NTN1: variants seen among roughly 807,000 people sequenced by gnomAD.
The protein encoded by NTN1 is netrin-1.
Under a neutral mutation model 54.2 loss-of-function variants are expected in NTN1, and 11 were observed. That is an observed-to-expected ratio of 0.20 (90% confidence interval 0.13 to 0.34). The LOEUF is 0.34. NTN1 is among the 10% of genes least tolerant of loss of function. The probability of loss-of-function intolerance (pLI) is 1.00; values close to 1 mark genes in which losing one functional copy is unlikely to be tolerated. For synonymous variants in NTN1, 371 were observed against 382.0 expected (o/e 0.97, Z 0.33); for missense variants, 740 against 893.1 (o/e 0.83, Z 2.18).
chr17:9,111,557 G>A (rs74525978), intron 2 of NTN1, among the ~76,000 whole-genome samples: 3,465 of 152,092 alleles, frequency 0.023, 136 homozygotes, highest in African/African-American at 0.08. Context: ...ACAACTTAGG[G>A]GGTTTAGAGG....
At chr17:9,225,935 C>T (rs577576085) in intron 6 of NTN1, among the ~76,000 whole-genome samples, 9 of 152,356 alleles carry the variant, frequency 5.9e-5, no homozygotes, top group African/African-American at 2.2e-4. Context: ...TCCTCCAGGC[C>T]TCGCAGACCT....
chr17:9,185,020 C>T (rs1158431698), intron 5 of NTN1, among the ~76,000 whole-genome samples: 6 of 152,282 alleles, frequency 3.9e-5, no homozygotes, highest in East Asian at 1.9e-4. Flanking sequence ...TGGTTTAAAC[C>T]GAAGCGAGCA....
rs957309621 is a variant in NTN1, at chr17:9,240,065, G to T, written c.*97G>T. Reference sequence around the variant, plus strand: ...GCCGCCGCGGACTTGGCCCGCGAGGGCTTTCCCAGGTGGGGGGAGGGAGGG... The same window carrying T: ...GCCGCCGCGGACTTGGCCCGCGAGGTCTTTCCCAGGTGGGGGGAGGGAGGG... On this transcript the variant is annotated 3_prime_UTR_variant, in exon 7 of 7. Transcript: ENST00000173229. 3 of 361,092 alleles carry T rather than the reference G, an allele frequency of 8.3e-6. No homozygotes were observed. The highest frequency in any genetic ancestry group is 1.1e-5 in the Non-Finnish European group (3 of 264,808). The allele number at this position is 361,092 out of a possible 1,614,324, so 22.4% of individuals were successfully genotyped here. A position where few individuals can be genotyped will look rare whatever the true frequency, so the allele number is the denominator to read the frequency against.
Position 9,135,938 on chromosome 17 carries a change from G to T in NTN1, c.1019-26875G>T, listed in dbSNP as rs11652324. ...TGCCACCCCAAACGTGTCTGTGTGC[G>T]CACGCTCACTCATACATGTGTGCAC... On this transcript the variant is annotated intron_variant, in intron 2 of 6. Transcript: ENST00000173229. This position sits in a 1 kb window ranked among gnomAD's most constrained non-coding sequence, Gnocchi z 4.4. 6.6e-6 allele frequency among the ~76,000 whole-genome samples: 1 copy of T among 152,000 alleles called. No homozygotes were observed. Among genetic ancestry groups the T allele is most frequent in the Non-Finnish European group, 1.5e-5 (1 of 68,002 alleles).
chr17:9,181,657 C>A (rs773383034), intron 4 of NTN1, among the ~76,000 whole-genome samples: 1 of 152,184 alleles, frequency 6.6e-6, no homozygotes, highest in Non-Finnish European at 1.5e-5. Context: ...CAGATTTGCC[C>A]CCGGCCTGAG....
intron 5 of NTN1, among the ~76,000 whole-genome samples, chr17:9,188,274 C>CAAA (rs1285423719): frequency 1.3e-5 from 2 of 151,904 alleles, no homozygotes; most frequent in African/African-American, 4.8e-5. Flanking sequence ...ACTAAAAGTA[C>CAAA]AAAATTAGCT....
intron 2 of NTN1, among the ~76,000 whole-genome samples, chr17:9,081,357 G>A (rs949818151): frequency 1.4e-4 from 21 of 151,962 alleles, no homozygotes; most frequent in African/African-American, 5.1e-4. Context: ...TTATCTCTGT[G>A]CCAATGAAGA....
intron 2 of NTN1, among the ~76,000 whole-genome samples, chr17:9,071,490 A>T (rs370006059): frequency 1.7e-5 from 2 of 115,636 alleles, no homozygotes; most frequent in African/African-American, 5.5e-5. Flanking sequence ...TTTAAAAATT[A>T]AAAAAAAAAA....
intron 2 of NTN1, among the ~76,000 whole-genome samples, chr17:9,038,298 C>T (rs1385238888): frequency 1.4e-5 from 2 of 147,294 alleles, no homozygotes; most frequent in Non-Finnish European, 3.0e-5. Context: ...CACCCTTATC[C>T]TCCCCTACTA....
chr17:9,196,020 TA>T (rs1367763613), intron 5 of NTN1, among the ~76,000 whole-genome samples: 2 of 152,194 alleles, frequency 1.3e-5, no homozygotes, highest in African/African-American at 4.8e-5. Flanking sequence ...GGAGCTGGGC[TA>T]AAGGATACAT....
At chr17:9,087,448 A>G (rs901289994) in intron 2 of NTN1, among the ~76,000 whole-genome samples, 1 of 152,232 alleles carries the variant, frequency 6.6e-6, no homozygotes, top group East Asian at 1.9e-4. Context: ...CTTGATGACA[A>G]CAGGAAGACC....
chr17:9,156,576 G>A (rs2092342919), intron 2 of NTN1, among the ~76,000 whole-genome samples: 1 of 152,164 alleles, frequency 6.6e-6, no homozygotes, highest in Admixed American at 6.5e-5. Context: ...AGGGTCTTTT[G>A]GGGTGGGCCA....
At chr17:9,088,918 G>A (rs1416474008) in intron 2 of NTN1, among the ~76,000 whole-genome samples, 2 of 152,168 alleles carry the variant, frequency 1.3e-5, no homozygotes, top group African/African-American at 2.4e-5. Context: ...TGCAAAGCGT[G>A]ATATGTCTGA....
chr17:9,077,774 A>C (rs571760386), intron 2 of NTN1, among the ~76,000 whole-genome samples: 2 of 152,310 alleles, frequency 1.3e-5, no homozygotes, highest in East Asian at 3.9e-4. Flanking sequence ...CTCTAGTCTT[A>C]AACGGGTCTC....
In NTN1 at chr17:9,211,705, T is replaced by C. The variant is rs1338353463; in HGVS notation, c.1412-9463T>C. Among the ~76,000 whole-genome samples the C allele has an allele frequency of 6.6e-6, 1 of 152,240 alleles. No homozygotes were observed. Among genetic ancestry groups the C allele is most frequent in the East Asian group, 1.9e-4 (1 of 5,200 alleles). On this transcript the variant is annotated intron_variant, in intron 5 of 6. Coordinates refer to ENST00000173229, the MANE Select transcript of NTN1 (RefSeq NM_004822.3). The surrounding 1 kb of genome is among the most constrained non-coding windows in gnomAD (Gnocchi z 4.4). Reference sequence around the variant, plus strand: ...CCCAGCCATATCGTGTGAGTGTGTGTATGCTTGCCTTCACCAGTTTGCTAG... The same window carrying C: ...CCCAGCCATATCGTGTGAGTGTGTGCATGCTTGCCTTCACCAGTTTGCTAG...
At chr17:9,215,285 A>ACACG (rs1555577281) in intron 5 of NTN1, among the ~76,000 whole-genome samples, 2,327 of 151,442 alleles carry the variant, frequency 0.015, 30 homozygotes, top group African/African-American at 0.032. Context: ...ACACACACAC[A>ACACG]CACATACACA....
chr17:9,082,585 G>A (rs1019991087), intron 2 of NTN1, among the ~76,000 whole-genome samples: 1 of 152,204 alleles, frequency 6.6e-6, no homozygotes, highest in South Asian at 2.1e-4. Context: ...GGCAGAGTGT[G>A]GGGCCGTGAG....
intron 5 of NTN1, among the ~76,000 whole-genome samples, chr17:9,208,319 G>A (rs1475710705): frequency 2.6e-5 from 4 of 152,134 alleles, no homozygotes; most frequent in African/African-American, 7.2e-5. Flanking sequence ...GCTGGCTGAC[G>A]TCTTTTGTTT....
chr17:9,040,251 C>T (rs559936456), intron 2 of NTN1, among the ~76,000 whole-genome samples: 1 of 152,156 alleles, frequency 6.6e-6, no homozygotes, highest in Non-Finnish European at 1.5e-5. Context: ...TATAGAACAT[C>T]TACATTTATT....
Sources: gnomAD v4.1 joint callset for allele counts (sites outside exome capture counted in the v4.1 genomes callset) on GRCh38, gnomAD v4.1.1 for gene constraint, Gnocchi (gnomAD v3.1) non-coding constraint, MANE v1.5 for transcripts, NCBI Gene and HGNC (gene_info 2026-07-23, HGNC 2026-07-21) for gene names.